NRXN3: variants seen among roughly 807,000 people sequenced by gnomAD.
NRXN3 encodes the protein neurexin 3.
Under a neutral mutation model 137.6 loss-of-function variants are expected in NRXN3, and 32 were observed. The observed-to-expected ratio is 0.23, with a 90% CI of 0.18 to 0.31. The LOEUF (loss-of-function observed/expected upper bound fraction) is 0.31. Among genes scored for constraint, NRXN3 ranks in the 10% least tolerant of loss-of-function variants. NRXN3 has a pLI of 1.00. For missense variants in NRXN3, 1,574 were observed against 2,062.5 expected (o/e 0.76, Z 4.59); for synonymous variants, 798 against 784.5 (o/e 1.02, Z -0.29).
intron 4 of NRXN3, among the ~76,000 whole-genome samples, chr14:78,597,942 A>G (rs2097171269): frequency 1.3e-5 from 2 of 152,186 alleles, no homozygotes; most frequent in Non-Finnish European, 2.9e-5. Flanking sequence ...AGCTGCCAGC[A>G]CCATCAGGAT....
At chr14:78,679,180 G>T (rs934444219) in intron 6 of NRXN3, among the ~76,000 whole-genome samples, 1 of 152,116 alleles carries the variant, frequency 6.6e-6, no homozygotes, top group African/African-American at 2.4e-5. Context: ...ACCCACTGTA[G>T]GCTTCCCTCT....
At chr14:78,574,202 G>A (rs2096915363) in intron 4 of NRXN3, among the ~76,000 whole-genome samples, 1 of 152,268 alleles carries the variant, frequency 6.6e-6, no homozygotes, top group East Asian at 1.9e-4. Context: ...GAAGTTTGCT[G>A]CAGGGGCGAA....
At chr14:79,524,668 T>C (rs916154612) in intron 16 of NRXN3, among the ~76,000 whole-genome samples, 1 of 152,228 alleles carries the variant, frequency 6.6e-6, no homozygotes, top group Non-Finnish European at 1.5e-5. Flanking sequence ...AGGAGAGTTT[T>C]TCCCTTGGCC....
At chr14:78,914,580 T>C (rs1387234158) in intron 10 of NRXN3, among the ~76,000 whole-genome samples, 3 of 151,710 alleles carry the variant, frequency 2.0e-5, no homozygotes, top group African/African-American at 7.3e-5. Flanking sequence ...AGGAAAAGCA[T>C]TGCAAACAGA....
At chr14:79,363,004 A>ATTTT (rs11368184) in intron 15 of NRXN3, among the ~76,000 whole-genome samples, 7 of 143,058 alleles carry the variant, frequency 4.9e-5, no homozygotes, top group African/African-American at 1.8e-4. Flanking sequence ...TAGAATTGGA[A>ATTTT]TTTTTTTTTT....
chr14:78,888,934 G>A (rs911117405), intron 10 of NRXN3, among the ~76,000 whole-genome samples: 1 of 151,574 alleles, frequency 6.6e-6, no homozygotes, highest in Admixed American at 6.6e-5. Flanking sequence ...GTTTATAATG[G>A]TGTGACCTTG....
At chr14:78,220,419 G>A (rs2063729677) in intron 1 of NRXN3, among the ~76,000 whole-genome samples, 1 of 152,144 alleles carries the variant, frequency 6.6e-6, no homozygotes, top group African/African-American at 2.4e-5. Context: ...GGAAGGCCTG[G>A]GAGGTGGGAA....
At chr14:79,688,149 G>A (rs751734960) in intron 17 of NRXN3, among the ~76,000 whole-genome samples, 1 of 150,958 alleles carries the variant, frequency 6.6e-6, no homozygotes, top group Non-Finnish European at 1.5e-5. Context: ...TGGAACTAAT[G>A]AGCTTCCTTC....
intron 15 of NRXN3, among the ~76,000 whole-genome samples, chr14:79,000,771 A>G (rs74067008): frequency 0.049 from 7,387 of 152,182 alleles, 400 homozygotes; most frequent in African/African-American, 0.13. Context: ...ACACAATCGT[A>G]TTGTCCCCAA....
intron 15 of NRXN3, among the ~76,000 whole-genome samples, chr14:79,204,706 G>A (rs1048445183): frequency 1.3e-5 from 2 of 152,140 alleles, no homozygotes; most frequent in Non-Finnish European, 1.5e-5. Flanking sequence ...CTGTTGGGTA[G>A]ATATGGAACA....
chr14:78,773,398 G>A (rs1336812486), intron 8 of NRXN3, among the ~76,000 whole-genome samples: 3 of 151,960 alleles, frequency 2.0e-5, no homozygotes, highest in East Asian at 1.9e-4. Flanking sequence ...AGCATGGAGT[G>A]TCAGCCAGGC....
At chr14:78,728,244 TA>T (rs1227617108) in intron 8 of NRXN3, among the ~76,000 whole-genome samples, 4 of 152,246 alleles carry the variant, frequency 2.6e-5, no homozygotes, top group Non-Finnish European at 4.4e-5. Context: ...TGATTTTTTT[TA>T]ACATGTAATC....
chr14:79,104,470 A>G (rs1372411652), intron 15 of NRXN3, among the ~76,000 whole-genome samples: 1 of 152,164 alleles, frequency 6.6e-6, no homozygotes, highest in Non-Finnish European at 1.5e-5. Context: ...TATGATAAAG[A>G]CTATGACTCT....
At chr14:79,079,668 G>A (rs1317998880) in intron 15 of NRXN3, among the ~76,000 whole-genome samples, 2 of 152,110 alleles carry the variant, frequency 1.3e-5, no homozygotes, top group Non-Finnish European at 2.9e-5. Flanking sequence ...TTTGGAAGAC[G>A]TGCCAATAGG....
intron 15 of NRXN3, among the ~76,000 whole-genome samples, chr14:79,373,329 G>A (rs1339317415): frequency 6.6e-6 from 1 of 152,106 alleles, no homozygotes; most frequent in African/African-American, 2.4e-5. Context: ...GGAAAAAAAA[G>A]GAAACTGAAT....
chr14:79,639,263 T>C (rs772576200), intron 16 of NRXN3, among the ~76,000 whole-genome samples: 3 of 152,202 alleles, frequency 2.0e-5, no homozygotes, highest in Non-Finnish European at 2.9e-5. Flanking sequence ...TTTTGATATA[T>C]AGGTAAACTC....
chr14:79,251,342 T>C (rs1390602812), intron 15 of NRXN3, among the ~76,000 whole-genome samples: 1 of 152,142 alleles, frequency 6.6e-6, no homozygotes, highest in Non-Finnish European at 1.5e-5. Context: ...CCGAGCTGAA[T>C]GATGCTGTGG....
chr14:78,833,354 T>C (rs2098987579), intron 10 of NRXN3, among the ~76,000 whole-genome samples: 1 of 152,182 alleles, frequency 6.6e-6, no homozygotes, highest in African/African-American at 2.4e-5. Context: ...TCTAGCTTTG[T>C]GAAGTTTACA....
intron 2 of NRXN3, among the ~76,000 whole-genome samples, chr14:78,251,673 A>T (rs17754913): frequency 0.18 from 28,143 of 152,210 alleles, 2,795 homozygotes; most frequent in Middle Eastern, 0.22. Flanking sequence ...GAATATAGGA[A>T]TGTCATTTGG....
Sources: allele counts gnomAD v4.1 joint callset (sites outside exome capture counted in the v4.1 genomes callset), GRCh38; gene constraint gnomAD v4.1.1; transcripts MANE v1.5; gene names NCBI Gene and HGNC (gene_info 2026-07-23, HGNC 2026-07-21).